GPC5: variants seen among roughly 807,000 people sequenced by gnomAD.
GPC5 encodes glypican 5.
Under a neutral mutation model 53.9 loss-of-function variants are expected in GPC5, and 47 were observed. That is an observed-to-expected ratio of 0.87 (90% CI 0.69 to 1.11). GPC5 has a LOEUF of 1.11. Ranked by LOEUF, GPC5 falls within the 50% of genes most tolerant of loss-of-function variation. The pLI is 0.00. For synonymous variants in GPC5, 286 were observed against 263.3 expected (o/e 1.09, Z -0.84); for missense variants, 748 against 713.1 (o/e 1.05, Z -0.56).
chr13:92,821,510 C>G (rs1385179046), intron 7 of GPC5, among the ~76,000 whole-genome samples: 1 of 152,122 alleles, frequency 6.6e-6, no homozygotes, highest in Non-Finnish European at 1.5e-5. Flanking sequence ...TGGGCAATGT[C>G]TATCAGAGGC....
intron 7 of GPC5, among the ~76,000 whole-genome samples, chr13:92,269,759 C>T (rs1014874481): frequency 2.6e-5 from 4 of 152,150 alleles, no homozygotes; most frequent in Non-Finnish European, 5.9e-5. Flanking sequence ...TGAGTCTTCT[C>T]GTCTTGTGGA....
intron 6 of GPC5, among the ~76,000 whole-genome samples, chr13:91,976,296 A>T (rs1432684488): frequency 6.6e-6 from 1 of 152,244 alleles, no homozygotes; most frequent in Non-Finnish European, 1.5e-5. Flanking sequence ...ATTTAAAAAA[A>T]TAGTGAAAAC....
At chr13:92,674,782 A>C (rs1886881290) in intron 7 of GPC5, among the ~76,000 whole-genome samples, 1 of 152,132 alleles carries the variant, frequency 6.6e-6, no homozygotes, top group Admixed American at 6.5e-5. Context: ...CTTTTTCACA[A>C]CCTCAAATTA....
intron 7 of GPC5, among the ~76,000 whole-genome samples, chr13:92,708,943 C>T (rs1215565096): frequency 4.2e-5 from 5 of 119,494 alleles, no homozygotes; most frequent in African/African-American, 1.6e-4. Context: ...AGTGCAGTGG[C>T]CTGATGTTGG....
intron 7 of GPC5, among the ~76,000 whole-genome samples, chr13:92,565,821 A>G (rs971791540): frequency 6.6e-6 from 1 of 151,982 alleles, no homozygotes; most frequent in East Asian, 1.9e-4. Flanking sequence ...TATAAAGATG[A>G]TACATTTTTC....
chr13:92,047,238 T>G (rs906226428), intron 6 of GPC5, among the ~76,000 whole-genome samples: 11 of 152,134 alleles, frequency 7.2e-5, no homozygotes, highest in Non-Finnish European at 1.3e-4. Flanking sequence ...ATCATTTTTT[T>G]TATAACAAAA....
chr13:92,537,568 T>C (rs1685032514), intron 7 of GPC5, among the ~76,000 whole-genome samples: 1 of 152,126 alleles, frequency 6.6e-6, no homozygotes, highest in Admixed American at 6.6e-5. Context: ...GTAGTGTTTA[T>C]CATCATCTCC....
At chr13:91,927,524 A>G (rs2039780669) in intron 6 of GPC5, among the ~76,000 whole-genome samples, 2 of 152,296 alleles carry the variant, frequency 1.3e-5, no homozygotes, top group Middle Eastern at 3.4e-3. Context: ...GAACTATTGT[A>G]TAAATTAGAA....
intron 7 of GPC5, among the ~76,000 whole-genome samples, chr13:92,156,449 G>T (rs2041945881): frequency 6.6e-6 from 1 of 152,066 alleles, no homozygotes; most frequent in Admixed American, 6.6e-5. Context: ...TTAACTTGCT[G>T]CATTGCTTCC....
intron 7 of GPC5, among the ~76,000 whole-genome samples, chr13:92,526,517 T>C (rs1253412014): frequency 4.6e-5 from 7 of 152,018 alleles, no homozygotes; most frequent in Non-Finnish European, 8.8e-5. Flanking sequence ...ACACAGGACC[T>C]TGTAAGGTAG....
intron 6 of GPC5, among the ~76,000 whole-genome samples, chr13:92,119,642 G>A (rs1425393106): frequency 3.0e-5 from 4 of 133,562 alleles, no homozygotes; most frequent in African/African-American, 5.7e-5. Flanking sequence ...GGATGGTCTC[G>A]ATCTCCTGAC....
At chr13:92,289,006 C>T (rs78898344) in intron 7 of GPC5, among the ~76,000 whole-genome samples, 10,715 of 151,734 alleles carry the variant, frequency 0.071, 1,290 homozygotes, top group African/African-American at 0.25. Context: ...TTGTAGATGT[C>T]ATCTGTGAAT....
At chr13:91,881,814 T>C (rs192462019) in intron 5 of GPC5, among the ~76,000 whole-genome samples, 9 of 152,164 alleles carry the variant, frequency 5.9e-5, no homozygotes, top group Admixed American at 1.3e-4. Context: ...TGTTGATACC[T>C]CACATGAAAA....
chr13:91,407,754 T>C (rs1022586997), intron 1 of GPC5, among the ~76,000 whole-genome samples: 6 of 152,188 alleles, frequency 3.9e-5, no homozygotes, highest in Non-Finnish European at 7.4e-5. Flanking sequence ...GTTCAGTCTC[T>C]ATTGTGGATC....
chr13:91,738,278 C>T (rs1165805427), intron 4 of GPC5, among the ~76,000 whole-genome samples: 1 of 151,320 alleles, frequency 6.6e-6, no homozygotes, highest in African/African-American at 2.5e-5. Context: ...ATAACCAGTT[C>T]AAAGTAATCA....
At chr13:92,498,723 A>G (rs1194787633) in intron 7 of GPC5, among the ~76,000 whole-genome samples, 1 of 152,128 alleles carries the variant, frequency 6.6e-6, no homozygotes, top group African/African-American at 2.4e-5. Flanking sequence ...AATCGGACCC[A>G]TTATATGTGC....
At chr13:92,332,661 A>G (rs562807320) in intron 7 of GPC5, among the ~76,000 whole-genome samples, 5 of 152,200 alleles carry the variant, frequency 3.3e-5, no homozygotes, top group Non-Finnish European at 7.3e-5. Context: ...ATAATTTTCA[A>G]CCACTTACAA....
chr13:92,753,624 G>A (rs935049618), intron 7 of GPC5, among the ~76,000 whole-genome samples: 1 of 152,118 alleles, frequency 6.6e-6, no homozygotes, highest in Non-Finnish European at 1.5e-5. Context: ...CCAATACAAA[G>A]AAGTGCTTAA....
intron 2 of GPC5, among the ~76,000 whole-genome samples, chr13:91,632,133 G>T (rs954868826): frequency 6.6e-6 from 1 of 152,114 alleles, no homozygotes; most frequent in Non-Finnish European, 1.5e-5. Context: ...TTGAAAGATC[G>T]TAGTAGGTCC....
Sources: allele counts gnomAD v4.1 joint callset (sites outside exome capture counted in the v4.1 genomes callset), GRCh38; gene constraint gnomAD v4.1.1; transcripts MANE v1.5; gene names NCBI Gene and HGNC (gene_info 2026-07-23, HGNC 2026-07-21).